Variants in TUT7 observed in about 807,000 individuals in gnomAD.
TUT7 encodes terminal uridylyltransferase 7.
TUT7 carries 33 observed loss-of-function variants against 165.9 expected under a neutral mutation model. That is an observed-to-expected ratio of 0.20 (90% CI 0.15 to 0.27). TUT7 has a LOEUF of 0.27. Ranked by LOEUF, TUT7 falls within the 10% of genes least tolerant of loss-of-function variation. The pLI, the probability that TUT7 is intolerant of heterozygous loss-of-function variation, is 1.00. For synonymous variants in TUT7, 552 were observed against 608.1 expected (o/e 0.91, Z 1.36); for missense variants, 1,338 against 1,762.3 (o/e 0.76, Z 4.31).
At chr9:86,325,750 T>C (rs1307703031) in intron 11 of TUT7, among the ~76,000 whole-genome samples, 3 of 152,224 alleles carry the variant, frequency 2.0e-5, no homozygotes, top group African/African-American at 4.8e-5. Flanking sequence ...ATCACAGGAA[T>C]AGACAGGATC....
intron 26 of TUT7, among the ~76,000 whole-genome samples, chr9:86,295,857 G>GT (rs1463068532): frequency 6.7e-6 from 1 of 150,088 alleles, no homozygotes; most frequent in Non-Finnish European, 1.5e-5. Context: ...TTTTTTTTTT[G>GT]TTTTTTGTTT....
chr9:86,303,241 G>C, intron 24 of TUT7, 40 bp from the exon 25 acceptor site: 1 of 1,128,064 alleles, frequency 8.9e-7, no homozygotes, highest in Non-Finnish European at 1.3e-6. Context: ...AACTATTCAC[G>C]TGAGATCGGA....
chr9:86,344,004 G>C (rs1261687700), intron 5 of TUT7, among the ~76,000 whole-genome samples: 1 of 152,092 alleles, frequency 6.6e-6, no homozygotes, highest in Non-Finnish European at 1.5e-5. Context: ...AAAATCATCA[G>C]AATTACAACT....
chr9:86,309,562 A>C lies in TUT7; in HGVS notation c.3483T>G (p.Gly1161=). The C allele has an allele frequency of 1.2e-6, 2 of 1,611,440 alleles. No homozygotes were observed. The highest frequency in any genetic ancestry group is 1.7e-6 in the Non-Finnish European group (2 of 1,178,904). The change falls in exon 20 of 27, where the codon GGT becomes GGG. Residue 1161 remains glycine (G), a synonymous_variant. Transcript: ENST00000375963. ...ATGATAAGCTGCCTCTAGATGCATC[A>C]CCAATATCACACATCTAGACAGAAG... ...MKVFTKMCDI[G]DASRGSLSSY...
In TUT7 at chr9:86,288,688, G is replaced by C. The variant is rs1015072056; in HGVS notation, c.4477C>G (p.Gln1493Glu). Residue 1493 changes from glutamine to glutamate, a missense_variant, in exon 27 of 27, where the codon CAG becomes GAG. Coordinates refer to ENST00000375963, the MANE Select transcript of TUT7 (RefSeq NM_024617.4). Reference sequence around the variant, plus strand: ...GCATTTTCCTTCCCTCATGATTCCTGCTGGGTCCTCTTCGCTGAGGCTTTT... The same window carrying C: ...GCATTTTCCTTCCCTCATGATTCCTCCTGGGTCCTCTTCGCTGAGGCTTTT... ...QGKASAKRTQ[Q>E]ES The C allele has an allele frequency of 6.2e-7, 1 of 1,613,686 alleles. No homozygotes were observed. Among genetic ancestry groups the C allele is most frequent in the Non-Finnish European group, 8.5e-7 (1 of 1,179,780 alleles).
At position 86,353,160 on chromosome 9, in the gene TUT7, T is replaced by C. The variant is rs774587503; in HGVS notation, c.40A>G (p.Lys14Glu). 1.9e-6 allele frequency: 3 copies of C among 1,596,648 alleles called. No individual in the cohort carries two copies. Among genetic ancestry groups the C allele is most frequent in the Non-Finnish European group, 2.6e-6 (3 of 1,174,492 alleles). Residue 14 changes from lysine to glutamate, a missense_variant, in exon 2 of 27, where the codon AAA becomes GAA. Physicochemically the swap from Lys to Glu is moderately conservative, Grantham distance 56 (BLOSUM62 1). Transcript: ENST00000375963. ...TAKPYFVKRT[K>E]DRGTMDDDDF... Reference sequence around the variant, plus strand: ...TCATCATCCATAGTCCCCCGGTCTTTAGTGCGCTTCACGAAATAAGGTTTT... The same window carrying C: ...TCATCATCCATAGTCCCCCGGTCTTCAGTGCGCTTCACGAAATAAGGTTTT...
At chr9:86,350,885 C>T (rs557652626) in intron 2 of TUT7, among the ~76,000 whole-genome samples, 6 of 152,258 alleles carry the variant, frequency 3.9e-5, no homozygotes, top group African/African-American at 1.4e-4. Flanking sequence ...GTAATCCCAG[C>T]ACTTTGGGAA....
At chr9:86,324,266 C>G (rs1039824086) in intron 12 of TUT7, 4 of 176,156 alleles carry the variant, frequency 2.3e-5, no homozygotes, top group Admixed American at 5.8e-5. Context: ...GCGTGGCTCT[C>G]AGGCCCTTGG....
intron 14 of TUT7, among the ~76,000 whole-genome samples, 159 bp from the exon 15 acceptor site, chr9:86,319,829 A>G (rs1829072031): frequency 6.6e-6 from 1 of 151,996 alleles, no homozygotes. Flanking sequence ...AACAAGGTAA[A>G]GTTTGTTTTT....
At chr9:86,294,586 T>TAA (rs11436038) in intron 26 of TUT7, among the ~76,000 whole-genome samples, 13 of 150,490 alleles carry the variant, frequency 8.6e-5, no homozygotes, top group Admixed American at 6.6e-4. Flanking sequence ...TTATCAACTA[T>TAA]AAAAAAAAAT....
chr9:86,288,793 CT>C, intron 26 of TUT7, 49 bp from the exon 27 acceptor site: 1 of 1,468,634 alleles, frequency 6.8e-7, no homozygotes, highest in African/African-American at 1.4e-5. Flanking sequence ...ACAAGCCTCG[CT>C]TTATGACAAA....
intron 5 of TUT7, among the ~76,000 whole-genome samples, chr9:86,343,824 A>G (rs544652172): frequency 2.0e-5 from 3 of 152,216 alleles, no homozygotes; most frequent in Non-Finnish European, 4.4e-5. Context: ...TACTATCTAT[A>G]GTATAGCATT....
intron 5 of TUT7, 177 bp downstream of exon 5, chr9:86,344,800 T>C (rs950655017): frequency 6.6e-6 from 4 of 601,880 alleles, no homozygotes; most frequent in Non-Finnish European, 1.1e-5. Flanking sequence ...TGACAATGCA[T>C]ATGAAAGTCC....
At chr9:86,317,418 T>TA in intron 16 of TUT7, 142 bp from the exon 17 acceptor site, 1 of 671,592 alleles carries the variant, frequency 1.5e-6, no homozygotes, top group East Asian at 2.6e-5. Flanking sequence ...AGTTGGGTAT[T>TA]AGAGTCAGTA....
rs140829511 is a variant in TUT7 at position 86,311,632 on chromosome 9, A to ACGGTCTCCCTCTGATGC, written c.3275-840_3275-824dup. On this transcript the variant is annotated intron_variant, in intron 17 of 26. Transcript: ENST00000375963. This position sits in a 1 kb window ranked among gnomAD's most constrained non-coding sequence, Gnocchi z 4.4. ...ACGGTCTCCCTCTCCCTCTCTTTCC[A>ACGGTCTCCCTCTGATGC]CGGTCTCCCTCTGATGCCGGTCTCC... Among the ~76,000 whole-genome samples, 43,580 of 146,696 alleles carry ACGGTCTCCCTCTGATGC rather than the reference A, an allele frequency of 0.3. 7,594 individuals carry two copies. Among genetic ancestry groups the ACGGTCTCCCTCTGATGC allele is most frequent in the East Asian group, 0.47 (2,289 of 4,868 alleles).
At position 86,353,018 on chromosome 9, in the gene TUT7, T is replaced by C. The variant is rs749386390; in HGVS notation, c.182A>G (p.Tyr61Cys). Residue 61 changes from tyrosine (Y) to cysteine (C), a missense_variant, in exon 2 of 27, where the codon TAT becomes TGT. By Grantham distance (194) the Tyr-to-Cys change is radical. Around this residue, in one of 7 missense-constraint regions of TUT7, gnomAD observed 434 missense variants for 480.8 expected, o/e 0.90. Transcript: ENST00000375963. ...LQKKKITPGN[Y>C]GNTPRKGPCA... The stretch of plus-strand genomic sequence containing the variant: ...TGGTCCTTTTCTGGGGGTATTCCCA[T>C]AGTTCCCTGGTGTTATCTTCTTTTT... The C allele has an allele frequency of 1.9e-6, 3 of 1,614,226 alleles. No individual in the cohort carries two copies. The highest frequency in any genetic ancestry group is 8.5e-7 in the Non-Finnish European group (1 of 1,180,040).
chr9:86,310,834 C>A (rs1827980295), intron 17 of TUT7, 25 bp from the exon 18 acceptor site: 1 of 1,283,262 alleles, frequency 7.8e-7, no homozygotes. Flanking sequence ...AAAATGTTAT[C>A]ATTAAATACA....
At position 86,346,221 on chromosome 9, in the gene TUT7, G is replaced by T; in HGVS notation, c.702+78C>A. 1.4e-5 allele frequency: 19 copies of T among 1,336,916 alleles called. 1 individual carries two copies. In the South Asian group the frequency reaches 2.4e-4, roughly 17 times the overall value. 82.8% of individuals were successfully genotyped at this position (1,336,916 alleles called of 1,614,324 possible). A position where few individuals can be genotyped will look rare whatever the true frequency, so the allele number is the denominator to read the frequency against. Reference sequence around the variant, plus strand: ...AAAGTAGGATATCTAATTGATCAGAGCATGCATACTCAATTAACAACAAAA... The same window carrying T: ...AAAGTAGGATATCTAATTGATCAGATCATGCATACTCAATTAACAACAAAA... On this transcript the variant is annotated intron_variant, in intron 3 of 26. Transcript: ENST00000375963.
intron 14 of TUT7, among the ~76,000 whole-genome samples, chr9:86,321,081 G>A (rs925324071): frequency 1.4e-4 from 21 of 152,002 alleles, no homozygotes; most frequent in East Asian, 5.8e-4. Flanking sequence ...GGCCGGGAGC[G>A]GTGGCTCACG....
Sources: allele counts gnomAD v4.1 joint callset (sites outside exome capture counted in the v4.1 genomes callset), GRCh38; gene constraint gnomAD v4.1.1; regional missense constraint gnomAD v4.1.1; non-coding constraint Gnocchi (gnomAD v3.1); transcripts MANE v1.5; gene names NCBI Gene and HGNC (gene_info 2026-07-23, HGNC 2026-07-21).